Variants in TNRC6B observed in about 807,000 individuals in gnomAD.
TNRC6B encodes the protein trinucleotide repeat-containing gene 6B protein.
TNRC6B carries 52 observed loss-of-function variants against 203.6 expected under a neutral mutation model. That is an observed-to-expected ratio of 0.26 (90% CI 0.20 to 0.32). The LOEUF (loss-of-function observed/expected upper bound fraction) is 0.32, where lower values mean the gene tolerates loss of function less well. TNRC6B is among the 10% of genes least tolerant of loss of function. The probability of loss-of-function intolerance (pLI) is 1.00; values close to 1 mark genes in which losing one functional copy is unlikely to be tolerated. For synonymous variants in TNRC6B, 838 were observed against 845.7 expected (o/e 0.99, Z 0.16); for missense variants, 1,923 against 2,286.2 (o/e 0.84, Z 3.24).
Position 40,312,636 on chromosome 22 carries a change from C to T in TNRC6B, c.4567C>T (p.Arg1523Trp). The T allele has an allele frequency of 1.2e-6, 2 of 1,611,344 alleles. No homozygotes were observed. The highest frequency in any genetic ancestry group is 1.3e-5 in the African/African-American group (1 of 74,896). The change falls in exon 18 of 23, where the codon CGG becomes TGG. Residue 1523 changes from arginine to tryptophan, a missense_variant. Around this residue, in one of 8 missense-constraint regions of TNRC6B, gnomAD observed 159 missense variants for 181.0 expected, o/e 0.88. Transcript: ENST00000454349. ...TGTAGATACTGACCACCAACTGCTG[C>T]GGGATAACACCACAGGTACTTGAGC... ...PIVDTDHQLL[R>W]DNTTGSNSSL...
intron 21 of TNRC6B, among the ~76,000 whole-genome samples, chr22:40,319,263 T>C (rs2071302108): frequency 6.7e-6 from 1 of 150,246 alleles, no homozygotes; most frequent in African/African-American, 2.5e-5. Flanking sequence ...CCCCCCCATC[T>C]CTGAATTTAA....
chr22:40,245,074 C>CATTTATTT (rs36155056), intron 1 of TNRC6B, among the ~76,000 whole-genome samples: 11,091 of 149,462 alleles, frequency 0.074, 557 homozygotes, highest in Non-Finnish European at 0.1. Flanking sequence ...ATAGGACATA[C>CATTTATTT]ATTTATTTAT....
intron 1 of TNRC6B, among the ~76,000 whole-genome samples, chr22:40,218,734 C>T (rs1021978814): frequency 6.6e-5 from 10 of 152,030 alleles, no homozygotes; most frequent in Non-Finnish European, 1.0e-4. Flanking sequence ...CAAGCATGGG[C>T]GGCACAAGAT....
intron 4 of TNRC6B, among the ~76,000 whole-genome samples, chr22:40,156,702 A>G (rs1421978824): frequency 2.0e-5 from 3 of 151,684 alleles, no homozygotes; most frequent in Non-Finnish European, 4.4e-5. Context: ...CAACATTCCA[A>G]ATAATTCAGG....
At chr22:40,139,868 A>G (rs904953158) in intron 3 of TNRC6B, among the ~76,000 whole-genome samples, 2 of 152,182 alleles carry the variant, frequency 1.3e-5, no homozygotes, top group African/African-American at 4.8e-5. Context: ...TCAAGTGACT[A>G]CACCATTTTA....
At chr22:40,052,397 G>A (rs895845732) in intron 1 of TNRC6B, among the ~76,000 whole-genome samples, 2 of 148,730 alleles carry the variant, frequency 1.3e-5, no homozygotes, top group African/African-American at 2.5e-5. Context: ...CACAGCCTCA[G>A]TGTTCTCATT....
chr22:40,281,911 G>C (rs2070725368), intron 11 of TNRC6B, among the ~76,000 whole-genome samples: 1 of 152,192 alleles, frequency 6.6e-6, no homozygotes, highest in African/African-American at 2.4e-5. Flanking sequence ...AACAAGACAG[G>C]CAGGCCTGGG....
chr22:40,272,237 A>G (rs184523964), intron 6 of TNRC6B, among the ~76,000 whole-genome samples: 176 of 152,286 alleles, frequency 1.2e-3, no homozygotes, highest in African/African-American at 4.1e-3. Context: ...CCCCTTGTGC[A>G]CAGACAGCCC....
chr22:40,106,849 C>T (rs536363848), intron 1 of TNRC6B: 7 of 1,140,152 alleles, frequency 6.1e-6, no homozygotes, highest in Admixed American at 1.7e-5. Context: ...TTGCCACCCT[C>T]GCCATTCGAA....
chr22:40,143,600 C>T (rs200388456), intron 3 of TNRC6B, among the ~76,000 whole-genome samples: 1 of 152,148 alleles, frequency 6.6e-6, no homozygotes, highest in South Asian at 2.1e-4. Flanking sequence ...CTTCATTCTC[C>T]TGCCTCACTG....
intron 2 of TNRC6B, chr22:40,125,626 CA>C (rs2068484894): frequency 1.9e-6 from 1 of 537,618 alleles, no homozygotes; most frequent in African/African-American, 1.9e-5. Flanking sequence ...GATGCATGTG[CA>C]TAGACACACA....
rs1298891397 is a variant in TNRC6B, at chr22:40,325,745, C to G, written c.*2504C>G. 1 of 152,656 alleles carries G rather than the reference C, an allele frequency of 6.6e-6. No individual in the cohort carries two copies. Among genetic ancestry groups the G allele is most frequent in the Non-Finnish European group, 1.5e-5 (1 of 68,070 alleles). The allele number at this position is 152,656 out of a possible 1,614,324, so 9.5% of individuals were successfully genotyped here. ...AGGTTAAATCTTAGTGTCCCTGGGC[C>G]AGGAGCATATCCCAAGGCTCCTGCG... On this transcript the variant is annotated 3_prime_UTR_variant, in exon 23 of 23. Coordinates refer to ENST00000454349, the MANE Select transcript of TNRC6B (RefSeq NM_001162501.2).
intron 21 of TNRC6B, among the ~76,000 whole-genome samples, chr22:40,320,689 T>A (rs2071323468): frequency 6.6e-6 from 1 of 152,162 alleles, no homozygotes; most frequent in African/African-American, 2.4e-5. Flanking sequence ...AGTCTCACCT[T>A]GAGATGGGCA....
chr22:40,169,130 C>CTTTTT (rs135632), intron 4 of TNRC6B, among the ~76,000 whole-genome samples: 2 of 109,670 alleles, frequency 1.8e-5, no homozygotes, highest in Admixed American at 1.0e-4. Context: ...TTGGAATCTT[C>CTTTTT]TTTTTTTTTT....
At chr22:40,317,494 C>G (rs1279910981) in intron 21 of TNRC6B, among the ~76,000 whole-genome samples, 1 of 152,224 alleles carries the variant, frequency 6.6e-6, no homozygotes, top group Admixed American at 6.5e-5. Flanking sequence ...AGGAGAATCA[C>G]TTGAACCTAG....
rs200388223 is a variant in TNRC6B, at chr22:40,056,779, C to T, written c.-121+11781C>T. Among the ~76,000 whole-genome samples, 5 of 131,688 alleles carry T rather than the reference C, an allele frequency of 3.8e-5. No homozygotes were observed. The East Asian group carries it at 8.3e-4, about 22-fold the overall frequency. The allele number at this position is 131,688 out of a possible 152,430, so 86.4% of individuals were successfully genotyped here. On this transcript the variant is annotated intron_variant, in intron 1 of 23. Coordinates refer to the TNRC6B transcript ENST00000301923. ...CATCACTACACTCCAGCCTGAGAGA[C>T]AGAGTGACACCCTGTCTCAAAAAAA...
chr22:40,253,800 A>G, intron 3 of TNRC6B: 1 of 444,578 alleles, frequency 2.2e-6, no homozygotes. Flanking sequence ...CAGTAAGCCC[A>G]CCTTGGTACT....
chr22:40,218,826 GAGA>G (rs1258610785), intron 1 of TNRC6B, among the ~76,000 whole-genome samples: 22 of 152,334 alleles, frequency 1.4e-4, no homozygotes, highest in Admixed American at 3.3e-4. Context: ...AGACATAGAG[GAGA>G]TGGGGATAAA....
At chr22:40,090,576 T>G (rs1380845818) in intron 1 of TNRC6B, among the ~76,000 whole-genome samples, 5 of 152,198 alleles carry the variant, frequency 3.3e-5, no homozygotes, top group Non-Finnish European at 7.3e-5. Context: ...CTTTGTATAT[T>G]TTGGATAACA....
Sources: gnomAD v4.1 joint callset for allele counts (sites outside exome capture counted in the v4.1 genomes callset) on GRCh38, gnomAD v4.1.1 for gene constraint, gnomAD v4.1.1 regional missense constraint, MANE v1.5 for transcripts, NCBI Gene and HGNC (gene_info 2026-07-23, HGNC 2026-07-21) for gene names.